Variants in ANKFN1 observed in about 807,000 individuals in gnomAD.
The protein encoded by ANKFN1 is ankyrin repeat and fibronectin type III domain containing 1, also known as ankyrin repeat and fibronectin type-III domain-containing protein 1.
A neutral mutation model predicts 108.7 loss-of-function variants in ANKFN1; 74 were observed. The ratio of observed to expected loss-of-function variants is 0.68; its 90% CI spans 0.56 to 0.83. ANKFN1 has a LOEUF of 0.83. Ranked by LOEUF, ANKFN1 falls within the 40% of genes least tolerant of loss-of-function variation. The probability of loss-of-function intolerance (pLI) is 0.00; values close to 1 mark genes in which losing one functional copy is unlikely to be tolerated. For missense variants in ANKFN1, 1,505 were observed against 1,382.3 expected (o/e 1.09, Z -1.41); for synonymous variants, 547 against 516.2 (o/e 1.06, Z -0.81).
At position 56,094,338 on chromosome 17, in the gene ANKFN1, G is replaced by A. The variant is rs1012795607; in HGVS notation, c.288+48013G>A. Among the ~76,000 whole-genome samples, 4 of 151,008 alleles carry A rather than the reference G, an allele frequency of 2.6e-5. 1 individual carries two copies. The highest frequency in any genetic ancestry group is 9.7e-5 in the African/African-American group (4 of 41,146). ...ATGGATATTATTTCATGGTTTTGCA[G>A]AGTAAAATTATGATTTTCAGCATAA... On this transcript the variant is annotated intron_variant, in intron 4 of 12. Transcript: ENST00000635860.
At chr17:56,483,602 C>T (rs1441834040) in intron 18 of ANKFN1, among the ~76,000 whole-genome samples, 1 of 152,184 alleles carries the variant, frequency 6.6e-6, no homozygotes, top group Non-Finnish European at 1.5e-5. Flanking sequence ...AAATCAGACT[C>T]GTAGACTGGG....
At chr17:56,291,916 G>A (rs2044373608) in intron 3 of ANKFN1, among the ~76,000 whole-genome samples, 1 of 152,192 alleles carries the variant, frequency 6.6e-6, no homozygotes, top group Admixed American at 6.5e-5. Flanking sequence ...AGAGAGGAAG[G>A]TACTTAATCC....
chr17:56,070,178 G>A lies in ANKFN1; in HGVS notation c.288+23853G>A, dbSNP rs534513700. On this transcript the variant is annotated intron_variant, in intron 4 of 12. Coordinates refer to the ANKFN1 transcript ENST00000635860. ...TGGGAATGCAGCCCAGTAGGTCTCC[G>A]CCTCATTTTACCTCACCCCTACTCA... 6.9e-4 allele frequency among the ~76,000 whole-genome samples: 105 copies of A among 152,244 alleles called. 1 individual carries two copies. Among genetic ancestry groups the A allele is most frequent in the South Asian group, 1.5e-3 (7 of 4,820 alleles).
intron 1 of ANKFN1, among the ~76,000 whole-genome samples, chr17:56,181,714 T>C (rs1388805123): frequency 6.6e-6 from 1 of 152,200 alleles, no homozygotes; most frequent in Non-Finnish European, 1.5e-5. Context: ...TACACACATA[T>C]GTCATATATG....
Position 56,178,417 on chromosome 17 carries a change from C to T in ANKFN1, c.-71+24887C>T, listed in dbSNP as rs554050731. Among the ~76,000 whole-genome samples, 108 of 152,206 alleles carry T rather than the reference C, an allele frequency of 7.1e-4. 1 individual carries two copies. Among genetic ancestry groups the T allele is most frequent in the African/African-American group, 2.6e-3 (106 of 41,544 alleles). On this transcript the variant is annotated intron_variant, in intron 1 of 20. Transcript: ENST00000682825. ...TTTTGCTGATGTAAACACATTTTAG[C>T]CTGTGGATTCCTGAATACATAGAGT...
chr17:56,169,674 A>G (rs9910180), intron 1 of ANKFN1, among the ~76,000 whole-genome samples: 28,710 of 152,098 alleles, frequency 0.19, 3,251 homozygotes, highest in East Asian at 0.3. Context: ...TAAGATGGGC[A>G]TTGATCAGAG....
intron 3 of ANKFN1, among the ~76,000 whole-genome samples, chr17:56,273,394 G>GTGC (rs1360226868): frequency 1.4e-4 from 21 of 152,004 alleles, no homozygotes; most frequent in African/African-American, 5.1e-4. Flanking sequence ...TATAAATAAT[G>GTGC]TGCTGACACA....
intron 3 of ANKFN1, among the ~76,000 whole-genome samples, chr17:56,256,731 T>A (rs1036753111): frequency 2.0e-5 from 3 of 152,234 alleles, no homozygotes; most frequent in African/African-American, 7.2e-5. Context: ...GAGTGGCTAA[T>A]ATCCTCCATT....
At chr17:56,187,715 A>T (rs1035970067) in intron 1 of ANKFN1, among the ~76,000 whole-genome samples, 3 of 152,224 alleles carry the variant, frequency 2.0e-5, no homozygotes, top group Non-Finnish European at 2.9e-5. Flanking sequence ...GGATTAAGAA[A>T]ATGTGGCACA....
intron 4 of ANKFN1, among the ~76,000 whole-genome samples, chr17:56,071,787 A>C (rs1014354050): frequency 1.3e-5 from 2 of 152,216 alleles, no homozygotes; most frequent in East Asian, 3.8e-4. Context: ...GACATATCCC[A>C]GTGCTTTGCA....
chr17:56,240,411 A>C (rs1481540376), intron 3 of ANKFN1, among the ~76,000 whole-genome samples: 1 of 152,114 alleles, frequency 6.6e-6, no homozygotes, highest in Non-Finnish European at 1.5e-5. Context: ...CATTGCATGA[A>C]TATATTGCTA....
At chr17:56,176,338 C>T (rs1911152520) in intron 1 of ANKFN1, among the ~76,000 whole-genome samples, 1 of 152,140 alleles carries the variant, frequency 6.6e-6, no homozygotes, top group Non-Finnish European at 1.5e-5. Context: ...TTGGTCTGAA[C>T]ATTGTTTAAA....
chr17:56,231,161 T>C (rs907560254), intron 3 of ANKFN1, among the ~76,000 whole-genome samples: 6 of 152,148 alleles, frequency 3.9e-5, no homozygotes, highest in Admixed American at 3.9e-4. Flanking sequence ...TCTTCATTTT[T>C]TTTCCTGTAT....
chr17:56,062,219 T>C (rs1266776312), intron 4 of ANKFN1, among the ~76,000 whole-genome samples: 1 of 152,068 alleles, frequency 6.6e-6, no homozygotes, highest in Non-Finnish European at 1.5e-5. Context: ...TGATTTGGAG[T>C]GGAGAGTTCC....
chr17:56,251,036 A>G (rs1312562078), intron 3 of ANKFN1, among the ~76,000 whole-genome samples: 2 of 152,184 alleles, frequency 1.3e-5, no homozygotes, highest in South Asian at 2.1e-4. Context: ...TTCCTTTAAC[A>G]TGAGAGCTAT....
chr17:56,215,194 G>A (rs1915334432), intron 2 of ANKFN1, among the ~76,000 whole-genome samples: 1 of 152,206 alleles, frequency 6.6e-6, no homozygotes, highest in African/African-American at 2.4e-5. Context: ...CCTGACTGGG[G>A]ATGATCCTGG....
At chr17:56,369,847 A>T (rs2046762825) in intron 6 of ANKFN1, among the ~76,000 whole-genome samples, 1 of 152,252 alleles carries the variant, frequency 6.6e-6, no homozygotes, top group Non-Finnish European at 1.5e-5. Context: ...AATTACTTTT[A>T]ACAACAGATG....
Position 56,212,433 on chromosome 17 carries a change from C to G in ANKFN1, c.-70-165C>G, listed in dbSNP as rs982662272. Among the ~76,000 whole-genome samples the G allele has an allele frequency of 9.2e-5, 14 of 152,094 alleles. No homozygotes were observed. In the East Asian group the frequency reaches 2.7e-3, roughly 29 times the overall value. ...TATCATTTTGATGTGCTGTGGGGTT[C>G]TGTTAGCTAGGATTTTGTTGAGGAT... On this transcript the variant is annotated intron_variant, in intron 1 of 20. Transcript: ENST00000682825.
chr17:56,120,125 G>T (rs1301789642), intron 4 of ANKFN1, among the ~76,000 whole-genome samples: 2 of 151,918 alleles, frequency 1.3e-5, no homozygotes, highest in African/African-American at 4.8e-5. Flanking sequence ...TTTCAACATG[G>T]GTTTACCATT....
Sources: gnomAD v4.1 joint callset for allele counts (sites outside exome capture counted in the v4.1 genomes callset) on GRCh38, gnomAD v4.1.1 for gene constraint, MANE v1.5 for transcripts, NCBI Gene and HGNC (gene_info 2026-07-23, HGNC 2026-07-21) for gene names.